Variants in EYA1 observed in about 807,000 individuals in gnomAD.
EYA1 encodes EYA transcriptional coactivator and phosphatase 1, also known as protein phosphatase EYA1.
Under a neutral mutation model 82.0 loss-of-function variants are expected in EYA1, and 16 were observed. The observed-to-expected ratio is 0.20, with a 90% CI of 0.13 to 0.30. The LOEUF (loss-of-function observed/expected upper bound fraction) is 0.30. Among genes scored for constraint, EYA1 ranks in the 10% least tolerant of loss-of-function variants. EYA1 has a pLI of 1.00. For synonymous variants in EYA1, 261 were observed against 264.4 expected, an observed-to-expected ratio of 0.99 and a Z score of 0.12; for missense variants, 633 against 730.7, an observed-to-expected ratio of 0.87 and a Z score of 1.54.
chr8:71,547,048 C>A (rs1168208280), intron 1 of EYA1, among the ~76,000 whole-genome samples: 1 of 128,316 alleles, frequency 7.8e-6, no homozygotes. Context: ...AAGCAGAGAT[C>A]TTGTTTATTT....
At chr8:71,314,427 T>C (rs1181897890) in intron 7 of EYA1, among the ~76,000 whole-genome samples, 3 of 152,192 alleles carry the variant, frequency 2.0e-5, no homozygotes, top group African/African-American at 4.8e-5. Flanking sequence ...AAATTAATAG[T>C]ATATGATCAT....
chr8:71,283,152 CA>C (rs1818007890), intron 9 of EYA1, among the ~76,000 whole-genome samples: 2 of 152,106 alleles, frequency 1.3e-5, no homozygotes, highest in Admixed American at 1.3e-4. Context: ...CCAGAGGCTC[CA>C]ATGCCTTATG....
intron 2 of EYA1, among the ~76,000 whole-genome samples, chr8:71,408,370 C>T (rs1258457358): frequency 1.4e-5 from 2 of 146,868 alleles, no homozygotes; most frequent in East Asian, 2.0e-4. Flanking sequence ...TCACACATAA[C>T]AATATTAACT....
At chr8:71,349,549 A>AT (rs1238637153) in intron 3 of EYA1, among the ~76,000 whole-genome samples, 6 of 152,222 alleles carry the variant, frequency 3.9e-5, no homozygotes, top group South Asian at 2.1e-4. Flanking sequence ...TAAGTCTTGG[A>AT]TTTTTTTTGT....
Position 71,271,905 on chromosome 8 carries a change from A to T in EYA1, c.827-8T>A, listed in dbSNP as rs1240727448. On this transcript the variant is annotated splice_polypyrimidine_tract_variant and splice_region_variant and intron_variant, in intron 9 of 17. Coordinates refer to ENST00000340726, the MANE Select transcript of EYA1 (RefSeq NM_000503.6). ...TGTGGATTGTGCTGTACTCTGCAGG[A>T]ATATAGGAAGGACTTTCATCTTTTA... 4 of 1,614,048 alleles carry T rather than the reference A, an allele frequency of 2.5e-6. No homozygotes were observed. The highest frequency in any genetic ancestry group is 1.7e-6 in the Non-Finnish European group (2 of 1,180,028).
intron 1 of EYA1, among the ~76,000 whole-genome samples, chr8:71,546,173 C>T (rs1025597899): frequency 1.3e-5 from 2 of 152,144 alleles, no homozygotes; most frequent in Non-Finnish European, 2.9e-5. Context: ...AAGTCTCATT[C>T]AAGCCACTCC....
At chr8:71,404,365 A>T (rs553567543) in intron 2 of EYA1, 1 of 152,346 alleles carries the variant, frequency 6.6e-6, no homozygotes, top group African/African-American at 2.4e-5. Flanking sequence ...GCTTGCTACT[A>T]AGATTTTTGA....
chr8:71,222,022 C>T (rs1219795898), intron 12 of EYA1, among the ~76,000 whole-genome samples: 4 of 152,200 alleles, frequency 2.6e-5, no homozygotes, highest in African/African-American at 7.2e-5. Flanking sequence ...TTAAACACCG[C>T]ACTTGACCAA....
At chr8:71,375,304 C>CTAGA (rs10684615) in intron 2 of EYA1, among the ~76,000 whole-genome samples, 16,391 of 151,744 alleles carry the variant, frequency 0.11, 1,033 homozygotes, top group African/African-American at 0.15. Flanking sequence ...CTACCTCATG[C>CTAGA]TAGAAGAGCT....
chr8:71,299,488 C>A (rs1231578997), intron 8 of EYA1, 150 bp downstream of exon 8: 3 of 695,516 alleles, frequency 4.3e-6, no homozygotes, highest in Non-Finnish European at 7.5e-6. Context: ...CCAAACAACT[C>A]ACCACAAAAG....
intron 2 of EYA1, among the ~76,000 whole-genome samples, chr8:71,452,622 G>A (rs1807488346): frequency 6.6e-6 from 1 of 152,206 alleles, no homozygotes; most frequent in African/African-American, 2.4e-5. Flanking sequence ...AATATTCGCT[G>A]TTCTGCAGCC....
intron 2 of EYA1, among the ~76,000 whole-genome samples, chr8:71,402,244 T>C (rs78105857): frequency 0.025 from 3,763 of 152,122 alleles, 150 homozygotes; most frequent in African/African-American, 0.083. Context: ...TAGAGGCAGG[T>C]TTTTTTCCCC....
chr8:71,402,016 C>T (rs1468580444), intron 2 of EYA1, among the ~76,000 whole-genome samples: 2 of 152,192 alleles, frequency 1.3e-5, no homozygotes, highest in African/African-American at 4.8e-5. Flanking sequence ...GGAAAACAGT[C>T]TCTGCTTCTA....
At chr8:71,381,403 C>T (rs1563553989) in intron 2 of EYA1, among the ~76,000 whole-genome samples, 2 of 152,146 alleles carry the variant, frequency 1.3e-5, no homozygotes, top group Non-Finnish European at 2.9e-5. Flanking sequence ...CCTCATTCAC[C>T]CCCATCTATA....
At chr8:71,483,180 A>G (rs1479230847) in intron 2 of EYA1, among the ~76,000 whole-genome samples, 1 of 152,206 alleles carries the variant, frequency 6.6e-6, no homozygotes, top group Non-Finnish European at 1.5e-5. Flanking sequence ...CTGCTAAAAC[A>G]TTCCTTGAAT....
chr8:71,459,832 C>T (rs1808232981), intron 2 of EYA1, among the ~76,000 whole-genome samples: 2 of 152,044 alleles, frequency 1.3e-5, no homozygotes, highest in African/African-American at 2.4e-5. Context: ...AGATAACTGT[C>T]AATTTGCATA....
chr8:71,398,699 A>C (rs67678248), intron 2 of EYA1, among the ~76,000 whole-genome samples: 32,893 of 152,178 alleles, frequency 0.22, 4,360 homozygotes, highest in Non-Finnish European at 0.3. Flanking sequence ...GCTGTCAGTC[A>C]GTCCCTACTG....
intron 2 of EYA1, among the ~76,000 whole-genome samples, chr8:71,449,927 T>G (rs1274371990): frequency 2.0e-5 from 3 of 152,236 alleles, no homozygotes; most frequent in African/African-American, 4.8e-5. Flanking sequence ...CATTTTTATG[T>G]TAACCTCAGG....
In EYA1 at chr8:71,234,981, T is replaced by A. The variant is rs181865265; in HGVS notation, c.1140+9622A>T. On this transcript the variant is annotated intron_variant, in intron 12 of 17. Coordinates refer to ENST00000340726, the MANE Select transcript of EYA1 (RefSeq NM_000503.6). ...TTCCAGTACTCAAGGCAAAACCTAG[T>A]GCTCATCCTTGATTCTGCTTTCCCT... Among the ~76,000 whole-genome samples the A allele has an allele frequency of 3.9e-5, 6 of 152,318 alleles. No individual in the cohort carries two copies. The East Asian group carries it at 1.2e-3, about 29-fold the overall frequency.
Sources: gnomAD v4.1 joint callset for allele counts (sites outside exome capture counted in the v4.1 genomes callset) on GRCh38, gnomAD v4.1.1 for gene constraint, MANE v1.5 for transcripts, NCBI Gene and HGNC (gene_info 2026-07-23, HGNC 2026-07-21) for gene names.